Variants in MCM2 observed in about 807,000 individuals in gnomAD.
The protein encoded by MCM2 is minichromosome maintenance complex component 2, also known as DNA replication licensing factor MCM2.
Under a neutral mutation model 86.4 loss-of-function variants are expected in MCM2, and 49 were observed. The ratio of observed to expected loss-of-function variants is 0.57; its 90% confidence interval spans 0.45 to 0.72. The LOEUF (loss-of-function observed/expected upper bound fraction) is 0.72, where lower values mean the gene tolerates loss of function less well. Ranked by LOEUF, MCM2 falls within the 30% of genes least tolerant of loss-of-function variation. The pLI, the probability that MCM2 is intolerant of heterozygous loss-of-function variation, is 0.00. For synonymous variants in MCM2, 475 were observed against 484.6 expected (o/e 0.98, Z 0.26); for missense variants, 1,038 against 1,259.9 (o/e 0.82, Z 2.67).
intron 2 of MCM2, among the ~76,000 whole-genome samples, chr3:127,600,720 A>G (rs1192002402): frequency 1.3e-5 from 2 of 151,970 alleles, no homozygotes; most frequent in Non-Finnish European, 2.9e-5. Context: ...GGAGTTGTTC[A>G]GGCCGGATGC....
chr3:127,601,359 T>TTTTGTTTGTTTG (rs199761466), intron 2 of MCM2, among the ~76,000 whole-genome samples: 6 of 152,110 alleles, frequency 3.9e-5, no homozygotes, highest in African/African-American at 1.4e-4. Flanking sequence ...GGTCGTGTTT[T>TTTTGTTTGTTTG]TTTGTTTGTT....
Position 127,622,381 on chromosome 3 carries a change from G to C in MCM2, c.*608G>C, listed in dbSNP as rs1457567498. On this transcript the variant is annotated 3_prime_UTR_variant, in exon 16 of 16. Transcript: ENST00000265056. Reference sequence around the variant, plus strand: ...TCTGTTTCCCCACTCTCTTATTTGTGCATTCGGTTTGGTTTCTGTAGTTTT... The same window carrying C: ...TCTGTTTCCCCACTCTCTTATTTGTCCATTCGGTTTGGTTTCTGTAGTTTT... 6.6e-6 allele frequency: 1 copy of C among 152,178 alleles called. No individual in the cohort carries two copies. The highest frequency in any genetic ancestry group is 1.5e-5 in the Non-Finnish European group (1 of 68,048). 9.4% of individuals were successfully genotyped at this position (152,178 alleles called of 1,614,324 possible). A position where few individuals can be genotyped will look rare whatever the true frequency, so the allele number is the denominator to read the frequency against.
chr3:127,617,436 G>C lies in MCM2; in HGVS notation c.1900+31G>C, dbSNP rs200469983. 6 of 1,604,904 alleles carry C rather than the reference G, an allele frequency of 3.7e-6. No homozygotes were observed. Among genetic ancestry groups the C allele is most frequent in the Admixed American group, 1.7e-5 (1 of 58,780 alleles). On this transcript the variant is annotated intron_variant, in intron 11 of 15. Coordinates refer to ENST00000265056, the MANE Select transcript of MCM2 (RefSeq NM_004526.4). This position sits in a 1 kb window ranked among gnomAD's most constrained non-coding sequence, Gnocchi z 4.1. The stretch of plus-strand genomic sequence containing the variant: ...GCAGGCACCCTGACTGCTGGGGCTG[G>C]GGTGGGACACAGGGAGGTCCCGCCT...
chr3:127,617,207 A>G lies in MCM2; in HGVS notation c.1774-72A>G. 1.2e-6 allele frequency: 2 copies of G among 1,606,966 alleles called. No individual in the cohort carries two copies. Among genetic ancestry groups the G allele is most frequent in the South Asian group, 1.1e-5 (1 of 90,424 alleles). ...GACGGGAATGGTGTTAATGGGGTCCATTGGGACCTCATCGGAGACTTAGTA... is the reference window on the plus strand; with the variant it reads ...GACGGGAATGGTGTTAATGGGGTCCGTTGGGACCTCATCGGAGACTTAGTA... On this transcript the variant is annotated intron_variant, in intron 10 of 15. Transcript: ENST00000265056. This position sits in a 1 kb window ranked among gnomAD's most constrained non-coding sequence, Gnocchi z 4.1.
At chr3:127,616,662 G>T (rs541581408) in intron 9 of MCM2, among the ~76,000 whole-genome samples, 1 of 152,204 alleles carries the variant, frequency 6.6e-6, no homozygotes, top group African/African-American at 2.4e-5. Context: ...AGGACATCTC[G>T]TGCAACCCTC....
chr3:127,608,691 GT>G, intron 7 of MCM2, 140 bp from the exon 8 acceptor site: 1 of 1,193,292 alleles, frequency 8.4e-7, no homozygotes, highest in Non-Finnish European at 1.2e-6. Context: ...GGAATGGTGG[GT>G]TTAGGAGGGG....
intron 4 of MCM2, 114 bp downstream of exon 4, chr3:127,605,270 C>G (rs899076313): frequency 7.2e-7 from 1 of 1,397,906 alleles, no homozygotes; most frequent in Non-Finnish European, 9.8e-7. Context: ...GCTGAGAGGT[C>G]TGTCAGAGAA....
intron 2 of MCM2, chr3:127,604,213 C>T: frequency 5.5e-6 from 1 of 183,276 alleles, no homozygotes; most frequent in Admixed American, 5.4e-5. Context: ...CTCGGTTAAA[C>T]ACTAACTCCC....
At chr3:127,614,242 T>G (rs542518842) in intron 8 of MCM2, among the ~76,000 whole-genome samples, 1 of 152,246 alleles carries the variant, frequency 6.6e-6, no homozygotes, top group South Asian at 2.1e-4. Context: ...TACATCAGTA[T>G]GTATATGAAA....
chr3:127,604,418 T>C, intron 2 of MCM2, 190 bp from the exon 3 acceptor site: 1 of 601,578 alleles, frequency 1.7e-6, no homozygotes, highest in Non-Finnish European at 3.0e-6. Flanking sequence ...GTCCATCATA[T>C]GGACAGATCG....
At chr3:127,609,693 A>G (rs1243839149) in intron 8 of MCM2, among the ~76,000 whole-genome samples, 1 of 152,024 alleles carries the variant, frequency 6.6e-6, no homozygotes, top group Non-Finnish European at 1.5e-5. Flanking sequence ...GGATTACTTA[A>G]ACAGAACGTT....
At position 127,620,724 on chromosome 3, in the gene MCM2, G is replaced by A. The variant is rs946517193; in HGVS notation, c.2292G>A (p.Val764=). Residue 764 remains valine (V), a synonymous_variant, in exon 14 of 16, where the codon GTG becomes GTA. Coordinates refer to ENST00000265056, the MANE Select transcript of MCM2 (RefSeq NM_004526.4). ...CGACAGGCAGCATCCCCATTACGGT[G>A]CGGCACATCGAGTCCATGATCCGCA... ...SMATGSIPIT[V]RHIESMIRMA... 5 of 1,608,104 alleles carry A rather than the reference G, an allele frequency of 3.1e-6. No individual in the cohort carries two copies. Among genetic ancestry groups the A allele is most frequent in the Non-Finnish European group, 3.4e-6 (4 of 1,175,600 alleles).
chr3:127,608,958 G>A lies in MCM2; in HGVS notation c.1363G>A (p.Glu455Lys). ...AKKDNKVAVGELTDEDVKMIT... is the reference protein window; with the variant it reads ...AKKDNKVAVGKLTDEDVKMIT... ...GAAGGACAACAAGGTTGCTGTAGGG[G>A]AACTGACCGATGAAGATGTGAAGAT... Residue 455 changes from glutamate (E) to lysine (K), a missense_variant, in exon 8 of 16, where the codon GAA becomes AAA. By Grantham distance (56) the Glu-to-Lys change is moderately conservative (BLOSUM62 1). Coordinates refer to ENST00000265056, the MANE Select transcript of MCM2 (RefSeq NM_004526.4). 6.2e-7 allele frequency: 1 copy of A among 1,614,216 alleles called. No homozygotes were observed. Among genetic ancestry groups the A allele is most frequent in the African/African-American group, 1.3e-5 (1 of 75,060 alleles).
At position 127,617,551 on chromosome 3, in the gene MCM2, A is replaced by AGAGTGGG; in HGVS notation, c.1900+149_1900+155dup. On this transcript the variant is annotated intron_variant, in intron 11 of 15. Transcript: ENST00000265056. This position sits in a 1 kb window ranked among gnomAD's most constrained non-coding sequence, Gnocchi z 4.1. ...GTTCCCCTCTTCTGCATATCCTGCCAGAGTGGGGAACAGTGAAAGTGGGAC... is the reference window on the plus strand; with the variant it reads ...GTTCCCCTCTTCTGCATATCCTGCCAGAGTGGGGAGTGGGGAACAGTGAAAGTGGGAC... 2 of 1,047,088 alleles carry AGAGTGGG rather than the reference A, an allele frequency of 1.9e-6. No individual in the cohort carries two copies. The highest frequency in any genetic ancestry group is 2.7e-6 in the Non-Finnish European group (2 of 744,302). 64.9% of individuals were successfully genotyped at this position (1,047,088 alleles called of 1,614,324 possible). A position where few individuals can be genotyped will look rare whatever the true frequency, so the allele number is the denominator to read the frequency against.
In MCM2 at chr3:127,608,854, A is replaced by C; in HGVS notation, c.1259A>C (p.Asn420Thr). The part of the protein sequence containing the change: ...DEIELTGIYH[N>T]NYDGSLNTAN... ...CAGGAGCTGACTGGCATCTATCACAACAACTATGATGGCTCCCTCAACACT... is the reference window on the plus strand; with the variant it reads ...CAGGAGCTGACTGGCATCTATCACACCAACTATGATGGCTCCCTCAACACT... Residue 420 changes from asparagine to threonine, a missense_variant, in exon 8 of 16, where the codon AAC becomes ACC. This residue lies in a region of MCM2 where 399 missense variants were observed against 507.2 expected (regional missense o/e 0.79). Coordinates refer to ENST00000265056, the MANE Select transcript of MCM2 (RefSeq NM_004526.4). 1 of 1,614,180 alleles carries C rather than the reference A, an allele frequency of 6.2e-7. No individual in the cohort carries two copies. Among genetic ancestry groups the C allele is most frequent in the Non-Finnish European group, 8.5e-7 (1 of 1,180,018 alleles).
At chr3:127,598,525 T>C in intron 1 of MCM2, 53 bp downstream of exon 1, 1 of 1,600,464 alleles carries the variant, frequency 6.2e-7, no homozygotes, top group East Asian at 2.3e-5. Context: ...GTGCGGAGGC[T>C]GCGCGCTTCC....
At chr3:127,614,042 CT>C (rs1253175115) in intron 8 of MCM2, among the ~76,000 whole-genome samples, 2 of 152,168 alleles carry the variant, frequency 1.3e-5, no homozygotes, top group African/African-American at 2.4e-5. Flanking sequence ...AAGGTCCCAC[CT>C]TTTAATACTG....
chr3:127,611,847 C>A (rs902242139), intron 8 of MCM2, among the ~76,000 whole-genome samples: 2 of 147,746 alleles, frequency 1.4e-5, no homozygotes, highest in Non-Finnish European at 3.0e-5. Context: ...GACAGGCGCC[C>A]GCCACTACGC....
chr3:127,621,583 A>C, intron 15 of MCM2, 80 bp from the exon 16 acceptor site: 1 of 868,686 alleles, frequency 1.2e-6, no homozygotes, highest in Non-Finnish European at 1.9e-6. Context: ...TGGTGTCTGA[A>C]AGTGCACTGT....
Sources: allele counts gnomAD v4.1 joint callset (sites outside exome capture counted in the v4.1 genomes callset), GRCh38; gene constraint gnomAD v4.1.1; regional missense constraint gnomAD v4.1.1; non-coding constraint Gnocchi (gnomAD v3.1); transcripts MANE v1.5; gene names NCBI Gene and HGNC (gene_info 2026-07-23, HGNC 2026-07-21).